TP63: variants seen among roughly 807,000 people sequenced by gnomAD.
The protein encoded by TP63 is tumor protein p63, also known as tumor protein 63.
TP63 carries 17 observed loss-of-function variants against 82.8 expected under a neutral mutation model. The ratio of observed to expected loss-of-function variants is 0.21; its 90% CI spans 0.14 to 0.31. TP63 has a LOEUF of 0.31. Among genes scored for constraint, TP63 ranks in the 10% least tolerant of loss-of-function variants. The pLI, the probability that TP63 is intolerant of heterozygous loss-of-function variation, is 1.00. For synonymous variants in TP63, 330 were observed against 321.7 expected, an observed-to-expected ratio of 1.03 and a Z score of -0.28; for missense variants, 648 against 895.3, an observed-to-expected ratio of 0.72 and a Z score of 3.52.
intron 4 of TP63, among the ~76,000 whole-genome samples, chr3:189,827,165 C>A (rs1393121666): frequency 6.6e-6 from 1 of 152,206 alleles, no homozygotes; most frequent in Non-Finnish European, 1.5e-5. Context: ...AGCCCTTTCT[C>A]AAAGAGCTCA....
intron 10 of TP63, chr3:189,880,766 C>T: frequency 1.0e-6 from 1 of 985,408 alleles, no homozygotes; most frequent in Non-Finnish European, 1.2e-6. Context: ...CAAAAGTAAT[C>T]AACTTTGTGG....
intron 1 of TP63, among the ~76,000 whole-genome samples, chr3:189,673,459 A>C (rs115481265): frequency 0.039 from 5,968 of 152,196 alleles, 143 homozygotes; most frequent in Middle Eastern, 0.054. Context: ...TAAAGTAAAC[A>C]AAAAAACTGT....
chr3:189,798,879 TTAAAGTGACAG>T (rs1285164185), intron 3 of TP63, among the ~76,000 whole-genome samples: 2 of 152,088 alleles, frequency 1.3e-5, no homozygotes, highest in Non-Finnish European at 1.5e-5. Context: ...TATTTTGCAG[TTAAAGTGACAG>T]CTGAGAGGAA....
At chr3:189,821,037 A>G (rs1263215624) in intron 4 of TP63, among the ~76,000 whole-genome samples, 1 of 152,224 alleles carries the variant, frequency 6.6e-6, no homozygotes, top group Non-Finnish European at 1.5e-5. Flanking sequence ...GTAATTGTGT[A>G]TACTTTTCTA....
chr3:189,818,662 T>C (rs971860493), intron 4 of TP63, among the ~76,000 whole-genome samples: 29 of 152,156 alleles, frequency 1.9e-4, no homozygotes, highest in African/African-American at 7.0e-4. Flanking sequence ...TAGGTCAGTC[T>C]TCATTTTAAG....
the TP63 span, among the ~76,000 whole-genome samples, chr3:189,608,662 C>T: frequency 2.0e-3 from 308 of 152,174 alleles, 1 homozygote; most frequent in Middle Eastern, 0.024. Context: ...CAGCTATTTA[C>T]ATAAATTGTT....
intron 10 of TP63, among the ~76,000 whole-genome samples, chr3:189,874,768 C>A (rs1421461820): frequency 2.0e-5 from 3 of 152,078 alleles, no homozygotes; most frequent in Non-Finnish European, 4.4e-5. Context: ...TAAAACCATA[C>A]AACCAGGATC....
chr3:189,641,788 A>G (rs1251449076), intron 1 of TP63, among the ~76,000 whole-genome samples: 1 of 152,200 alleles, frequency 6.6e-6, no homozygotes, highest in African/African-American at 2.4e-5. Context: ...TATTTAAGGA[A>G]AGCAAACTTA....
rs560149568 is a variant in TP63, at chr3:189,881,331, A to T, written c.1350-5063A>T. On this transcript the variant is annotated intron_variant, in intron 10 of 13. Transcript: ENST00000264731. ...CTTTCCATTTTAAAAACATATTTTAAGATAATAGCATAAAGACTTTAAAAA... is the reference window on the plus strand; with the variant it reads ...CTTTCCATTTTAAAAACATATTTTATGATAATAGCATAAAGACTTTAAAAA... The T allele has an allele frequency of 3.0e-6, 3 of 985,306 alleles. No homozygotes were observed. The East Asian group carries it at 3.4e-4, about 112-fold the overall frequency. The allele number at this position is 985,306 out of a possible 1,614,324, so 61.0% of individuals were successfully genotyped here.
chr3:189,779,243 C>T (rs1724047094), intron 3 of TP63, among the ~76,000 whole-genome samples: 1 of 152,132 alleles, frequency 6.6e-6, no homozygotes, highest in South Asian at 2.1e-4. Context: ...CCCTTTGTGA[C>T]ATTATTACAA....
At position 189,876,083 on chromosome 3, in the gene TP63, C is replaced by G. The variant is rs1217731140; in HGVS notation, c.1349+3088C>G. ...TAATGGTGAATTTCTAACCTTAACACTCTGAGTTTGAAGAAAGCTCTGGAA... is the reference window on the plus strand; with the variant it reads ...TAATGGTGAATTTCTAACCTTAACAGTCTGAGTTTGAAGAAAGCTCTGGAA... On this transcript the variant is annotated intron_variant, in intron 10 of 13. Coordinates refer to ENST00000264731, the MANE Select transcript of TP63 (RefSeq NM_003722.5). Among the ~76,000 whole-genome samples the G allele has an allele frequency of 2.0e-5, 3 of 152,256 alleles. No homozygotes were observed. In the East Asian group the frequency reaches 5.8e-4, roughly 29 times the overall value.
intron 10 of TP63, among the ~76,000 whole-genome samples, chr3:189,878,333 A>G (rs1719468190): frequency 6.6e-6 from 1 of 150,466 alleles, no homozygotes; most frequent in Admixed American, 6.6e-5. Flanking sequence ...TGATAATTTC[A>G]TATGATTCAC....
chr3:189,620,354 C>A, the TP63 span, among the ~76,000 whole-genome samples: 1 of 152,046 alleles, frequency 6.6e-6, no homozygotes, highest in South Asian at 2.1e-4. Flanking sequence ...GAAACCCCAT[C>A]TCTACTAAAA....
chr3:189,834,859 A>G (rs990032419), intron 4 of TP63, among the ~76,000 whole-genome samples: 5 of 150,668 alleles, frequency 3.3e-5, no homozygotes, highest in African/African-American at 9.7e-5. Flanking sequence ...TTGAAACATA[A>G]TAGATGTTGA....
At chr3:189,683,855 A>G (rs1716186763) in intron 1 of TP63, among the ~76,000 whole-genome samples, 1 of 152,210 alleles carries the variant, frequency 6.6e-6, no homozygotes, top group Admixed American at 6.5e-5. Flanking sequence ...ACCTGCTCTC[A>G]AAGTGTTAAA....
chr3:189,740,135 T>C (rs1025561891), intron 3 of TP63, among the ~76,000 whole-genome samples: 5 of 152,346 alleles, frequency 3.3e-5, no homozygotes, highest in East Asian at 1.9e-4. Context: ...CACTTTTTCA[T>C]TGACTCTTTT....
chr3:189,693,374 T>C (rs1717097894), intron 1 of TP63, among the ~76,000 whole-genome samples: 4 of 152,202 alleles, frequency 2.6e-5, no homozygotes, highest in Admixed American at 2.6e-4. Flanking sequence ...AAGAAAATGT[T>C]TTCCCCCAAA....
intron 4 of TP63, 138 bp downstream of exon 4, chr3:189,808,664 T>A: frequency 6.7e-7 from 1 of 1,502,938 alleles, no homozygotes; most frequent in South Asian, 1.2e-5. Context: ...TATTTAATAC[T>A]GAACCAGAGA....
In TP63 at chr3:189,806,040, C is replaced by CTTT. The variant is rs34836784; in HGVS notation, c.325-2207_325-2205dup. ...ACCCAATAAACAACAGAAGCAAACA[C>CTTT]TTTTTTTTTTTTTTTTTTTTTTTTT... On this transcript the variant is annotated intron_variant, in intron 3 of 13. Coordinates refer to ENST00000264731, the MANE Select transcript of TP63 (RefSeq NM_003722.5). Among the ~76,000 whole-genome samples the CTTT allele has an allele frequency of 1.5e-3, 76 of 52,072 alleles. 8 individuals carry two copies. Among genetic ancestry groups the CTTT allele is most frequent in the African/African-American group, 3.0e-3 (35 of 11,590 alleles). The allele number at this position is 52,072 out of a possible 152,430, so 34.2% of individuals were successfully genotyped here.
Sources: allele counts gnomAD v4.1 joint callset (sites outside exome capture counted in the v4.1 genomes callset), GRCh38; gene constraint gnomAD v4.1.1; transcripts MANE v1.5; gene names NCBI Gene and HGNC (gene_info 2026-07-23, HGNC 2026-07-21).